Variants in ZBTB45 observed in about 807,000 individuals in gnomAD.
The protein encoded by ZBTB45 is zinc finger and BTB domain containing 45.
In ZBTB45, 22 loss-of-function variants were observed where a neutral mutation model predicts 28.4. The observed-to-expected ratio is 0.77, with a 90% CI of 0.55 to 1.10. The LOEUF is 1.10. Among genes scored for constraint, ZBTB45 ranks in the 50% least tolerant of loss-of-function variants. The probability of loss-of-function intolerance (pLI) is 0.00; values close to 1 mark genes in which losing one functional copy is unlikely to be tolerated. For missense variants in ZBTB45, 656 were observed against 750.2 expected, an observed-to-expected ratio of 0.87 and a Z score of 1.47; for synonymous variants, 361 against 332.3, an observed-to-expected ratio of 1.09 and a Z score of -0.94.
chr19:58,521,082 A>G (rs2053573977), upstream of ZBTB45, among the ~76,000 whole-genome samples: 1 of 67,870 alleles, frequency 1.5e-5, no homozygotes, highest in South Asian at 5.1e-4. Context: ...AAAAAAAAAA[A>G]GGCCGGGCGC....
At chr19:58,522,265 G>A (rs1279745972), upstream of ZBTB45, among the ~76,000 whole-genome samples, 1 of 151,432 alleles carries the variant, frequency 6.6e-6, no homozygotes, top group Non-Finnish European at 1.5e-5. Flanking sequence ...AGGTTCAAGC[G>A]ATTCTCCTGC....
At chr19:58,535,126 C>T (rs1233951102) in intron 1 of ZBTB45, among the ~76,000 whole-genome samples, 5 of 151,784 alleles carry the variant, frequency 3.3e-5, no homozygotes, top group Admixed American at 3.3e-4. Flanking sequence ...CCGCCTTGGC[C>T]TCCCAAAGTG....
intron 1 of ZBTB45, among the ~76,000 whole-genome samples, chr19:58,534,549 C>T (rs969562774): frequency 1.5e-4 from 21 of 142,846 alleles, no homozygotes; most frequent in East Asian, 6.1e-4. Flanking sequence ...GCCACCACGC[C>T]CAGCTAATTT....
At chr19:58,529,549 C>T (rs2053625620) in intron 1 of ZBTB45, among the ~76,000 whole-genome samples, 1 of 152,216 alleles carries the variant, frequency 6.6e-6, no homozygotes. Context: ...CTTTTCTCCC[C>T]TCTCCTCAGT....
upstream of ZBTB45, chr19:58,520,344 C>T (rs1322727938): frequency 6.6e-6 from 1 of 152,176 alleles, no homozygotes; most frequent in Non-Finnish European, 1.5e-5. Flanking sequence ...CTGCCTCACC[C>T]TGCTCTGGGC....
intron 2 of ZBTB45, 75 bp from the exon 3 acceptor site, chr19:58,514,385 C>CT: frequency 2.3e-6 from 3 of 1,319,024 alleles, no homozygotes; most frequent in Non-Finnish European, 2.9e-6. Flanking sequence ...CCCACCCCCA[C>CT]CTGGGCTCCT....
chr19:58,531,248 A>T (rs968745327), intron 1 of ZBTB45, among the ~76,000 whole-genome samples: 4 of 152,144 alleles, frequency 2.6e-5, no homozygotes, highest in Admixed American at 2.0e-4. Flanking sequence ...GATGTGGAGC[A>T]TTTATTGGCC....
chr19:58,522,686 G>A (rs909094641), upstream of ZBTB45, among the ~76,000 whole-genome samples: 3 of 152,122 alleles, frequency 2.0e-5, no homozygotes, highest in Non-Finnish European at 2.9e-5. Flanking sequence ...TGCCATCATC[G>A]TCTTTGTTCA....
At chr19:58,518,650 G>C (rs2053546154) in intron 1 of ZBTB45, among the ~76,000 whole-genome samples, 1 of 152,132 alleles carries the variant, frequency 6.6e-6, no homozygotes, top group African/African-American at 2.4e-5. Flanking sequence ...TGGAATCTGA[G>C]GAGTTCTGCT....
upstream of ZBTB45, among the ~76,000 whole-genome samples, chr19:58,522,249 C>T (rs896249343): frequency 6.6e-6 from 1 of 151,882 alleles, no homozygotes; most frequent in African/African-American, 2.4e-5. Flanking sequence ...GCAACCTCCG[C>T]CTCACAGGTT....
chr19:58,522,151 C>T (rs55691818), upstream of ZBTB45, among the ~76,000 whole-genome samples: 17 of 149,916 alleles, frequency 1.1e-4, no homozygotes, highest in African/African-American at 4.2e-4. Context: ...GGTGAAACCC[C>T]GTCTCTACTT....
At chr19:58,519,843 G>C (rs955564823), upstream of ZBTB45, 1 of 152,382 alleles carries the variant, frequency 6.6e-6, no homozygotes, top group Non-Finnish European at 1.5e-5. Flanking sequence ...ACGGAGGCCT[G>C]CGGTCGCGGC....
chr19:58,532,021 G>A (rs2053637801), intron 1 of ZBTB45, among the ~76,000 whole-genome samples: 1 of 151,950 alleles, frequency 6.6e-6, no homozygotes, highest in Non-Finnish European at 1.5e-5. Context: ...AGTGTCTCCT[G>A]TCCTCCCCCC....
At chr19:58,529,480 G>A (rs2053625295) in intron 1 of ZBTB45, among the ~76,000 whole-genome samples, 1 of 152,124 alleles carries the variant, frequency 6.6e-6, no homozygotes, top group South Asian at 2.1e-4. Context: ...TAGTCACAAT[G>A]GTGTACAACC....
intron 1 of ZBTB45, among the ~76,000 whole-genome samples, chr19:58,526,525 AT>A (rs71293931): frequency 5.9e-4 from 77 of 130,990 alleles, no homozygotes; most frequent in Middle Eastern, 4.0e-3. Context: ...TATTATTATT[AT>A]TTTTTTTTTT....
intron 1 of ZBTB45, among the ~76,000 whole-genome samples, chr19:58,525,259 T>G (rs866877353): frequency 3.9e-5 from 6 of 152,226 alleles, no homozygotes; most frequent in Middle Eastern, 3.4e-3. Flanking sequence ...CTAGTGGGTT[T>G]GGGTTGTGCC....
chr19:58,522,494 G>C (rs570209956), upstream of ZBTB45, among the ~76,000 whole-genome samples: 4 of 152,120 alleles, frequency 2.6e-5, no homozygotes, highest in African/African-American at 9.6e-5. Flanking sequence ...CATTAGCTGG[G>C]CGTGGTGGCG....
chr19:58,535,302 G>T (rs1030943397), intron 1 of ZBTB45, among the ~76,000 whole-genome samples: 3 of 151,724 alleles, frequency 2.0e-5, no homozygotes, highest in Admixed American at 6.6e-5. Flanking sequence ...CACTGCACCC[G>T]GCCTGTTTGA....
chr19:58,522,253 A>AAGCGGTT, upstream of ZBTB45, among the ~76,000 whole-genome samples: 1 of 150,136 alleles, frequency 6.7e-6, no homozygotes, highest in South Asian at 2.1e-4. Context: ...CCTCCGCCTC[A>AAGCGGTT]CAGGTTCAAG....
Sources: gnomAD v4.1 joint callset for allele counts (sites outside exome capture counted in the v4.1 genomes callset) on GRCh38, gnomAD v4.1.1 for gene constraint, MANE v1.5 for transcripts, NCBI Gene and HGNC (gene_info 2026-07-23, HGNC 2026-07-21) for gene names.